Variants in DTNA observed in about 807,000 individuals in gnomAD.
The protein encoded by DTNA is dystrobrevin alpha, also known as dystrophin-related protein 3.
Under a neutral mutation model 100.7 loss-of-function variants are expected in DTNA, and 43 were observed. That is an observed-to-expected ratio of 0.43 (90% CI 0.33 to 0.55). The LOEUF is 0.55. Among genes scored for constraint, DTNA ranks in the 20% least tolerant of loss-of-function variants. DTNA has a pLI of 0.04. For missense variants in DTNA, 798 were observed against 953.9 expected (o/e 0.84, Z 2.15); for synonymous variants, 349 against 347.9 (o/e 1.00, Z -0.04).
intron 1 of DTNA, among the ~76,000 whole-genome samples, chr18:34,592,288 C>A (rs528016550): frequency 2.0e-5 from 3 of 152,176 alleles, no homozygotes; most frequent in African/African-American, 7.2e-5. Flanking sequence ...TTTTCAGAGG[C>A]AGGAGATCTT....
At position 34,838,745 on chromosome 18, in the gene DTNA, G is replaced by A. The variant is rs753621898; in HGVS notation, c.1254G>A (p.Gly418=). ...TTTCTTTCCCCCTGCCCTGTTTCAG[G>A]ATACAGTACAGCCTGAATGTGGCAG... is the stretch of plus-strand genomic sequence containing the variant. The part of the protein sequence containing the change: ...RAAPAFLKGK[G]IQYSLNVADR... Residue 418 remains glycine, a splice_region_variant and synonymous_variant, in exon 13 of 23, where the codon GGG becomes GGA. Transcript: ENST00000444659. 1.8e-5 allele frequency: 29 copies of A among 1,613,304 alleles called. No homozygotes were observed. Among genetic ancestry groups the A allele is most frequent in the African/African-American group, 2.7e-5 (2 of 74,832 alleles).
intron 1 of DTNA, among the ~76,000 whole-genome samples, chr18:34,554,304 A>G (rs1486956595): frequency 2.1e-5 from 3 of 142,098 alleles, no homozygotes; most frequent in Admixed American, 6.8e-5. Flanking sequence ...TAGATATACA[A>G]TCATGTCATC....
rs534293269 is a variant in DTNA at position 34,663,193 on chromosome 18, A to T, written c.-1-92783A>T. On this transcript the variant is annotated intron_variant, in intron 1 of 19. Transcript: ENST00000283365. The stretch of plus-strand genomic sequence containing the variant: ...TTTTGAGATAGGGTCTCACTCTGTC[A>T]TCCAAGCTGGAGTTCATTGGCATGA... Among the ~76,000 whole-genome samples the T allele has an allele frequency of 1.1e-4, 16 of 152,206 alleles. No homozygotes were observed. In the East Asian group the frequency reaches 1.5e-3, roughly 15 times the overall value.
At chr18:34,724,727 G>A (rs1209966734) in intron 1 of DTNA, among the ~76,000 whole-genome samples, 1 of 152,030 alleles carries the variant, frequency 6.6e-6, no homozygotes, top group East Asian at 1.9e-4. Flanking sequence ...TTCCCACTAG[G>A]CCCACCTCCA....
At chr18:34,767,969 C>T (rs901975587) in intron 3 of DTNA, among the ~76,000 whole-genome samples, 4 of 152,128 alleles carry the variant, frequency 2.6e-5, no homozygotes, top group African/African-American at 9.7e-5. Flanking sequence ...TATTTGTAGT[C>T]CTAATGAGTC....
chr18:34,830,035 A>G (rs909848333), intron 11 of DTNA, among the ~76,000 whole-genome samples: 7 of 152,198 alleles, frequency 4.6e-5, no homozygotes, highest in African/African-American at 1.4e-4. Flanking sequence ...CTTATTCTCT[A>G]TCACTTGATA....
At chr18:34,635,754 A>G (rs530535350) in intron 1 of DTNA, among the ~76,000 whole-genome samples, 68 of 152,278 alleles carry the variant, frequency 4.5e-4, no homozygotes, top group Non-Finnish European at 3.7e-4. Flanking sequence ...ATCTCAATCA[A>G]AAGTCTTTTA....
intron 1 of DTNA, among the ~76,000 whole-genome samples, chr18:34,567,160 G>A (rs952457769): frequency 1.3e-5 from 2 of 152,224 alleles, no homozygotes; most frequent in South Asian, 2.1e-4. Context: ...ATGTTCAAGC[G>A]TGCTTGCGTC....
intron 2 of DTNA, 57 bp downstream of exon 2, chr18:34,756,100 G>C: frequency 2.6e-6 from 4 of 1,530,020 alleles, no homozygotes; most frequent in Non-Finnish European, 3.6e-6. Flanking sequence ...CTCATGGAAA[G>C]GCTAGAAATA....
intron 3 of DTNA, among the ~76,000 whole-genome samples, chr18:34,773,999 G>A (rs1044706337): frequency 9.9e-5 from 15 of 152,204 alleles, no homozygotes; most frequent in Non-Finnish European, 5.9e-5. Flanking sequence ...CTGTAGTCTC[G>A]TTTCCAGGCA....
At chr18:34,557,705 T>A (rs1440448534) in intron 1 of DTNA, among the ~76,000 whole-genome samples, 1 of 151,492 alleles carries the variant, frequency 6.6e-6, no homozygotes, top group Non-Finnish European at 1.5e-5. Flanking sequence ...AGGGACCCAC[T>A]TGAGGAGGCA....
At chr18:34,665,262 A>T (rs550281718) in intron 1 of DTNA, among the ~76,000 whole-genome samples, 2 of 152,310 alleles carry the variant, frequency 1.3e-5, no homozygotes, top group African/African-American at 4.8e-5. Flanking sequence ...AACAAGATAT[A>T]CATTACAAAC....
intron 1 of DTNA, among the ~76,000 whole-genome samples, chr18:34,656,170 TTA>T (rs1188753385): frequency 5.9e-5 from 9 of 152,214 alleles, no homozygotes; most frequent in Non-Finnish European, 1.5e-5. Context: ...TTTTATAAAG[TTA>T]TAGTTATAAG....
chr18:34,505,808 A>G (rs929986570), intron 1 of DTNA, among the ~76,000 whole-genome samples: 1 of 152,172 alleles, frequency 6.6e-6, no homozygotes, highest in Non-Finnish European at 1.5e-5. Flanking sequence ...AAATAATTCT[A>G]ACATCTCTGG....
At position 34,603,628 on chromosome 18, in the gene DTNA, A is replaced by G. The variant is rs556591137; in HGVS notation, c.-2+110114A>G. 2.0e-5 allele frequency among the ~76,000 whole-genome samples: 3 copies of G among 152,332 alleles called. No homozygotes were observed. In the South Asian group the frequency reaches 6.2e-4, roughly 32 times the overall value. Reference sequence around the variant, plus strand: ...AATATTTGTTTAATACTGTTGAGGAATATTATCTTTGATACACCACAGGTA... The same window carrying G: ...AATATTTGTTTAATACTGTTGAGGAGTATTATCTTTGATACACCACAGGTA... On this transcript the variant is annotated intron_variant, in intron 1 of 19. Transcript: ENST00000283365.
intron 1 of DTNA, among the ~76,000 whole-genome samples, chr18:34,680,825 C>G (rs2078001504): frequency 6.6e-6 from 1 of 152,090 alleles, no homozygotes; most frequent in Non-Finnish European, 1.5e-5. Context: ...TTTTCTGAAT[C>G]CTTTATTTTC....
intron 5 of DTNA, among the ~76,000 whole-genome samples, chr18:34,809,413 G>A (rs1036914441): frequency 1.1e-4 from 17 of 152,038 alleles, no homozygotes; most frequent in Non-Finnish European, 2.2e-4. Context: ...TTGAGATCAC[G>A]CCACTACACT....
chr18:34,855,233 C>T (rs1350339170), intron 15 of DTNA, among the ~76,000 whole-genome samples: 1 of 152,168 alleles, frequency 6.6e-6, no homozygotes, highest in Non-Finnish European at 1.5e-5. Flanking sequence ...GTATACCAGA[C>T]CAAAGAATTT....
intron 1 of DTNA, among the ~76,000 whole-genome samples, chr18:34,663,871 C>A (rs1200572280): frequency 6.6e-6 from 1 of 152,192 alleles, no homozygotes; most frequent in African/African-American, 2.4e-5. Context: ...AAAAATAATA[C>A]GTAAACATTT....
Sources: gnomAD v4.1 joint callset for allele counts (sites outside exome capture counted in the v4.1 genomes callset) on GRCh38, gnomAD v4.1.1 for gene constraint, MANE v1.5 for transcripts, NCBI Gene and HGNC (gene_info 2026-07-23, HGNC 2026-07-21) for gene names.